Variants in LARGE1 observed in about 807,000 individuals in gnomAD.
LARGE1 encodes LARGE xylosyl- and glucuronyltransferase 1.
A neutral mutation model predicts 87.6 loss-of-function variants in LARGE1; 43 were observed. The ratio of observed to expected loss-of-function variants is 0.49; its 90% CI spans 0.38 to 0.63. The LOEUF (loss-of-function observed/expected upper bound fraction) is 0.63. Among genes scored for constraint, LARGE1 ranks in the 30% least tolerant of loss-of-function variants. The pLI is 0.00. For missense variants in LARGE1, 802 were observed against 1,000.2 expected (o/e 0.80, Z 2.67); for synonymous variants, 434 against 394.6 (o/e 1.10, Z -1.18).
intron 3 of LARGE1, among the ~76,000 whole-genome samples, chr22:33,644,310 C>A (rs1347939423): frequency 6.6e-6 from 1 of 152,130 alleles, no homozygotes; most frequent in Non-Finnish European, 1.5e-5. Context: ...ATGACAAAAA[C>A]CACATGATTA....
chr22:33,214,992 C>T (rs1925137943), intron 11 of LARGE1, among the ~76,000 whole-genome samples: 3 of 152,134 alleles, frequency 2.0e-5, no homozygotes, highest in African/African-American at 4.8e-5. Context: ...ACCATTCTGC[C>T]CCCAAGGCCC....
intron 7 of LARGE1, among the ~76,000 whole-genome samples, chr22:33,389,360 T>C (rs887252725): frequency 2.8e-4 from 43 of 152,352 alleles, no homozygotes; most frequent in African/African-American, 9.4e-4. Flanking sequence ...AAGCTGCTTA[T>C]GGCTGGAAAG....
intron 1 of LARGE1, among the ~76,000 whole-genome samples, chr22:33,919,182 T>C (rs1047401826): frequency 2.0e-5 from 3 of 151,868 alleles, no homozygotes; most frequent in African/African-American, 7.3e-5. Flanking sequence ...AGACAATCTG[T>C]TCCCTCCGAA....
At chr22:33,292,409 A>T (rs1302252233) in intron 12 of LARGE1, among the ~76,000 whole-genome samples, 1 of 151,778 alleles carries the variant, frequency 6.6e-6, no homozygotes, top group Non-Finnish European at 1.5e-5. Flanking sequence ...TTCTGGAAGT[A>T]TCTCTTTTTT....
At chr22:33,283,068 A>C in intron 13 of LARGE1, 134 bp downstream of exon 13, 1 of 1,090,944 alleles carries the variant, frequency 9.2e-7, no homozygotes, top group Non-Finnish European at 1.4e-6. Flanking sequence ...GTCTGGAGAA[A>C]GCGGTGCTTT....
chr22:33,438,987 G>T (rs1406655048), intron 6 of LARGE1, among the ~76,000 whole-genome samples: 1 of 152,060 alleles, frequency 6.6e-6, no homozygotes, highest in Non-Finnish European at 1.5e-5. Context: ...AAGGTGGGTG[G>T]ATCACTTGAA....
At chr22:33,260,188 C>T (rs1216740052) in intron 11 of LARGE1, among the ~76,000 whole-genome samples, 1 of 152,142 alleles carries the variant, frequency 6.6e-6, no homozygotes, top group African/African-American at 2.4e-5. Context: ...ATTTTCTTCC[C>T]ACCCCCCTGC....
At chr22:33,492,607 G>A (rs901935883) in intron 6 of LARGE1, among the ~76,000 whole-genome samples, 4 of 152,132 alleles carry the variant, frequency 2.6e-5, no homozygotes, top group Admixed American at 1.3e-4. Context: ...TGCAAGCTCC[G>A]GGAGCTTTGC....
chr22:33,503,103 A>G (rs2148384106), intron 6 of LARGE1, among the ~76,000 whole-genome samples: 1 of 152,340 alleles, frequency 6.6e-6, no homozygotes, highest in South Asian at 2.1e-4. Context: ...CCACCAGATG[A>G]GTTGCTGAAC....
chr22:33,516,426 T>G (rs2071306768), intron 6 of LARGE1, among the ~76,000 whole-genome samples: 1 of 152,018 alleles, frequency 6.6e-6, no homozygotes, highest in South Asian at 2.1e-4. Flanking sequence ...AATGGCTTGC[T>G]ATCACCATTT....
chr22:33,225,719 A>G (rs1235311905), intron 11 of LARGE1, among the ~76,000 whole-genome samples: 1 of 151,682 alleles, frequency 6.6e-6, no homozygotes, highest in Non-Finnish European at 1.5e-5. Flanking sequence ...TTCGCCCTCC[A>G]CCCTCAACTA....
chr22:33,484,591 T>C (rs955249042), intron 6 of LARGE1, among the ~76,000 whole-genome samples: 30 of 152,178 alleles, frequency 2.0e-4, no homozygotes, highest in African/African-American at 7.0e-4. Flanking sequence ...CTGGCCTCCA[T>C]GACAGAGGTG....
At chr22:33,482,740 ACT>A (rs761550730) in intron 6 of LARGE1, among the ~76,000 whole-genome samples, 5 of 151,790 alleles carry the variant, frequency 3.3e-5, no homozygotes, top group Non-Finnish European at 5.9e-5. Flanking sequence ...ATCCAATAAT[ACT>A]CTTTCAGTTA....
chr22:33,667,495 A>C (rs370987457), intron 2 of LARGE1, among the ~76,000 whole-genome samples: 4 of 152,366 alleles, frequency 2.6e-5, no homozygotes, highest in South Asian at 4.1e-4. Flanking sequence ...AGAGCCTTCT[A>C]AATACCAGTG....
intron 1 of LARGE1, among the ~76,000 whole-genome samples, chr22:33,877,978 A>G (rs1230127744): frequency 6.6e-6 from 1 of 151,788 alleles, no homozygotes; most frequent in African/African-American, 2.4e-5. Flanking sequence ...AGTATGAAAT[A>G]AAGAATGTAA....
chr22:33,716,992 C>A (rs1163936787), intron 2 of LARGE1, among the ~76,000 whole-genome samples: 1 of 152,190 alleles, frequency 6.6e-6, no homozygotes, highest in African/African-American at 2.4e-5. Context: ...AACCATTAAA[C>A]AACTTAATTG....
chr22:33,721,706 A>G (rs529240351), intron 2 of LARGE1, among the ~76,000 whole-genome samples: 1 of 152,294 alleles, frequency 6.6e-6, no homozygotes, highest in East Asian at 1.9e-4. Context: ...TAAATGGTGC[A>G]GGTTAAAGGT....
intron 6 of LARGE1, among the ~76,000 whole-genome samples, chr22:33,513,156 A>T (rs2071132658): frequency 6.6e-6 from 1 of 152,194 alleles, no homozygotes; most frequent in Non-Finnish European, 1.5e-5. Flanking sequence ...GAGGAATGTA[A>T]AAGAAAGGCA....
chr22:33,734,602 G>A (rs1185932668), intron 2 of LARGE1, among the ~76,000 whole-genome samples: 1 of 152,134 alleles, frequency 6.6e-6, no homozygotes, highest in African/African-American at 2.4e-5. Context: ...TCTCTTGCTT[G>A]TTTCTCTTTG....
Sources: allele counts gnomAD v4.1 joint callset (sites outside exome capture counted in the v4.1 genomes callset), GRCh38; gene constraint gnomAD v4.1.1; transcripts MANE v1.5; gene names NCBI Gene and HGNC (gene_info 2026-07-23, HGNC 2026-07-21).